XXYLT1: variants seen among roughly 807,000 people sequenced by gnomAD.
XXYLT1 encodes the protein UDP-xylose:alpha-xyloside alpha-1,3-xylosyltransferase.
A neutral mutation model predicts 28.9 loss-of-function variants in XXYLT1; 20 were observed. The ratio of observed to expected loss-of-function variants is 0.69; its 90% CI spans 0.49 to 1.00. The LOEUF (loss-of-function observed/expected upper bound fraction) is 1.00. Ranked by LOEUF, XXYLT1 falls within the 50% of genes least tolerant of loss-of-function variation. The pLI is 0.00. For missense variants in XXYLT1, 542 were observed against 560.1 expected (o/e 0.97, Z 0.33); for synonymous variants, 257 against 253.8 (o/e 1.01, Z -0.12).
chr3:195,085,513 C>T (rs1560086018), intron 3 of XXYLT1, among the ~76,000 whole-genome samples: 1 of 152,294 alleles, frequency 6.6e-6, no homozygotes, highest in East Asian at 1.9e-4. Context: ...AGGGGGGAGT[C>T]CACCCAGTTC....
intron 2 of XXYLT1, among the ~76,000 whole-genome samples, chr3:195,214,226 T>C (rs1723457585): frequency 6.6e-6 from 1 of 152,000 alleles, no homozygotes; most frequent in Admixed American, 6.6e-5. Flanking sequence ...AAGAAGAAAA[T>C]TCCAGAAAGA....
chr3:195,068,691 C>T lies in XXYLT1; in HGVS notation c.*1024G>A, dbSNP rs916884708. On this transcript the variant is annotated 3_prime_UTR_variant, in exon 4 of 4. Transcript: ENST00000310380. ...GAACTCCTGGACTCAAGCCACCCTC[C>T]CACTTCAGCCTCCCAAGTAGCCGGG... is the stretch of plus-strand genomic sequence containing the variant. 1 of 151,972 alleles carries T rather than the reference C, an allele frequency of 6.6e-6. No individual in the cohort carries two copies. The highest frequency in any genetic ancestry group is 2.4e-5 in the African/African-American group (1 of 41,340). The allele number at this position is 151,972 out of a possible 1,614,324, so 9.4% of individuals were successfully genotyped here. A position where few individuals can be genotyped will look rare whatever the true frequency, so the allele number is the denominator to read the frequency against.
chr3:195,270,641 G>T lies in XXYLT1; in HGVS notation c.418C>A (p.His140Asn), dbSNP rs1177528792. The T allele has an allele frequency of 9.0e-6, 14 of 1,558,408 alleles. No individual in the cohort carries two copies. The highest frequency in any genetic ancestry group is 8.4e-5 in the African/African-American group (6 of 71,014). The change falls in exon 1 of 4, where the codon CAC becomes AAC. Residue 140 changes from histidine (H) to asparagine (N), a missense_variant. Coordinates refer to ENST00000310380, the MANE Select transcript of XXYLT1 (RefSeq NM_152531.5). The part of the protein sequence containing the change: ...KFEAHEVLNL[H>N]FVSEEASREV... Reference sequence around the variant, plus strand: ...CGGCTGGCCTCCTCGCTCACGAAGTGAAGGTTAAGCACCTCGTGCGCCTCG... The same window carrying T: ...CGGCTGGCCTCCTCGCTCACGAAGTTAAGGTTAAGCACCTCGTGCGCCTCG...
At chr3:195,138,552 G>A (rs775036760) in intron 3 of XXYLT1, among the ~76,000 whole-genome samples, 1 of 152,148 alleles carries the variant, frequency 6.6e-6, no homozygotes. Flanking sequence ...AGAATGAGCA[G>A]GGCATATAGA....
In XXYLT1 at chr3:195,255,734, C is replaced by A. The variant is rs1262087979; in HGVS notation, c.504+14821G>T. Among the ~76,000 whole-genome samples the A allele has an allele frequency of 6.6e-6, 1 of 152,206 alleles. No homozygotes were observed. Among genetic ancestry groups the A allele is most frequent in the Non-Finnish European group, 1.5e-5 (1 of 68,030 alleles). On this transcript the variant is annotated intron_variant, in intron 1 of 3. Coordinates refer to ENST00000310380, the MANE Select transcript of XXYLT1 (RefSeq NM_152531.5). This position sits in a 1 kb window ranked among gnomAD's most constrained non-coding sequence, Gnocchi z 4.5. ...AGCTGCTCCCAGTCTCCCTTGTCCA[C>A]TGAGCAGCTGTGTGGCCCTGAGCAA...
intron 2 of XXYLT1, among the ~76,000 whole-genome samples, chr3:195,166,160 C>A (rs1027766270): frequency 5.9e-5 from 9 of 152,022 alleles, no homozygotes; most frequent in African/African-American, 2.2e-4. Flanking sequence ...CACCAAGAAA[C>A]CCCCTTAGTC....
chr3:195,194,785 T>C (rs529026214), intron 2 of XXYLT1, among the ~76,000 whole-genome samples: 3 of 152,168 alleles, frequency 2.0e-5, no homozygotes, highest in Non-Finnish European at 4.4e-5. Flanking sequence ...AACAACATTA[T>C]GCTAAGTAAA....
intron 1 of XXYLT1, among the ~76,000 whole-genome samples, chr3:195,252,023 G>C (rs1269527721): frequency 1.3e-5 from 2 of 152,144 alleles, no homozygotes; most frequent in African/African-American, 4.8e-5. Context: ...ATACTACACA[G>C]CAATTAAAAT....
intron 2 of XXYLT1, among the ~76,000 whole-genome samples, chr3:195,188,797 A>G (rs139058469): frequency 2.8e-4 from 43 of 152,300 alleles, no homozygotes; most frequent in African/African-American, 1.0e-3. Context: ...CCACTGCTCC[A>G]TTTCCCTCCA....
intron 2 of XXYLT1, among the ~76,000 whole-genome samples, chr3:195,166,709 G>C (rs1041485441): frequency 6.6e-6 from 1 of 151,990 alleles, no homozygotes; most frequent in Non-Finnish European, 1.5e-5. Flanking sequence ...TTGAGATGGA[G>C]TCTCACTCTT....
In XXYLT1 at chr3:195,115,217, C is replaced by T. The variant is rs1381656171; in HGVS notation, c.785+41232G>A. Among the ~76,000 whole-genome samples, 1 of 152,228 alleles carries T rather than the reference C, an allele frequency of 6.6e-6. No individual in the cohort carries two copies. Among genetic ancestry groups the T allele is most frequent in the Non-Finnish European group, 1.5e-5 (1 of 68,034 alleles). ...GTGAGAATGTGGCTTCTGGCTGTCA[C>T]TGCTGGTTAGACGGTCCCAGTCACC... On this transcript the variant is annotated intron_variant, in intron 3 of 3. Coordinates refer to ENST00000310380, the MANE Select transcript of XXYLT1 (RefSeq NM_152531.5). The surrounding 1 kb of genome is among the most constrained non-coding windows in gnomAD (Gnocchi z 4.2).
intron 3 of XXYLT1, among the ~76,000 whole-genome samples, chr3:195,098,350 G>A (rs978719786): frequency 3.3e-5 from 5 of 152,088 alleles, no homozygotes; most frequent in South Asian, 2.1e-4. Context: ...TCAGAAGATC[G>A]AGACCATCCT....
Position 195,180,474 on chromosome 3 carries a change from G to A in XXYLT1, c.653-23893C>T. On this transcript the variant is annotated intron_variant, in intron 2 of 3. Coordinates refer to ENST00000310380, the MANE Select transcript of XXYLT1 (RefSeq NM_152531.5). This position sits in a 1 kb window ranked among gnomAD's most constrained non-coding sequence, Gnocchi z 5.8. ...ATGAACTTCTTTTGAACAATTTCCT[G>A]TTCCTTTTTCTTTCTATGCTCCTCT... The A allele has an allele frequency of 2.0e-6, 2 of 985,510 alleles. No individual in the cohort carries two copies. Among genetic ancestry groups the A allele is most frequent in the Non-Finnish European group, 2.4e-6 (2 of 830,018 alleles). 61.0% of individuals were successfully genotyped at this position (985,510 alleles called of 1,614,324 possible). A position where few individuals can be genotyped will look rare whatever the true frequency, so the allele number is the denominator to read the frequency against.
intron 2 of XXYLT1, among the ~76,000 whole-genome samples, chr3:195,212,692 C>A (rs139137865): frequency 1.3e-5 from 2 of 152,338 alleles, no homozygotes; most frequent in African/African-American, 2.4e-5. Context: ...GAGACTCTGA[C>A]GAATGCCTGA....
intron 2 of XXYLT1, among the ~76,000 whole-genome samples, chr3:195,212,360 G>A (rs533062526): frequency 7.9e-5 from 12 of 152,344 alleles, no homozygotes; most frequent in South Asian, 2.1e-4. Context: ...TCACAGAAAC[G>A]TGGTAACGGA....
At position 195,100,812 on chromosome 3, in the gene XXYLT1, C is replaced by T. The variant is rs189562976; in HGVS notation, c.786-30701G>A. Among the ~76,000 whole-genome samples, 8 of 152,344 alleles carry T rather than the reference C, an allele frequency of 5.3e-5. 1 individual carries two copies. Among genetic ancestry groups the T allele is most frequent in the Admixed American group, 4.6e-4 (7 of 15,310 alleles). On this transcript the variant is annotated intron_variant, in intron 3 of 3. Transcript: ENST00000310380. ...GTGGGGTTTATACTGATCCTACATCCCTTTCTGTCCTATTAAACTGTGAGT... is the reference window on the plus strand; with the variant it reads ...GTGGGGTTTATACTGATCCTACATCTCTTTCTGTCCTATTAAACTGTGAGT...
chr3:195,248,527 T>A (rs1436353644), intron 1 of XXYLT1, among the ~76,000 whole-genome samples: 1 of 152,230 alleles, frequency 6.6e-6, no homozygotes, highest in Non-Finnish European at 1.5e-5. Context: ...TTTTTTTGCC[T>A]GCTGCCATCC....
rs757315199 is a variant in XXYLT1 at position 195,070,068 on chromosome 3, C to A, written c.829G>T (p.Val277Phe). Reference sequence around the variant, plus strand: ...AGCCCCTCGGGGGGCGGGCCCCCAACCCGGGTCTGGGGGTTCTCATGGCGG... The same window carrying A: ...AGCCCCTCGGGGGGCGGGCCCCCAAACCGGGTCTGGGGGTTCTCATGGCGG... Reference protein sequence around the residue: ...QFRHENPQTRVGGPPPEGLPG... With the variant: ...QFRHENPQTRFGGPPPEGLPG... Residue 277 changes from valine (V) to phenylalanine (F), a missense_variant, in exon 4 of 4, where the codon GTT (valine) becomes TTT (phenylalanine). Transcript: ENST00000310380. 6.3e-7 allele frequency: 1 copy of A among 1,592,624 alleles called. No individual in the cohort carries two copies. Among genetic ancestry groups the A allele is most frequent in the South Asian group, 1.1e-5 (1 of 89,826 alleles).
At chr3:195,247,990 T>A (rs1156738585) in intron 1 of XXYLT1, 14 of 540,516 alleles carry the variant, frequency 2.6e-5, no homozygotes, top group African/African-American at 5.8e-5. Context: ...CTCTGACACG[T>A]GGGGATTACA....
Sources: allele counts gnomAD v4.1 joint callset (sites outside exome capture counted in the v4.1 genomes callset), GRCh38; gene constraint gnomAD v4.1.1; non-coding constraint Gnocchi (gnomAD v3.1); transcripts MANE v1.5; gene names NCBI Gene and HGNC (gene_info 2026-07-23, HGNC 2026-07-21).